Variants in ABLIM1 observed in about 807,000 individuals in gnomAD.
ABLIM1 encodes actin-binding LIM protein 1.
ABLIM1 carries 40 observed loss-of-function variants against 107.0 expected under a neutral mutation model. That is an observed-to-expected ratio of 0.37 (90% CI 0.29 to 0.49). ABLIM1 has a LOEUF of 0.49. Ranked by LOEUF, ABLIM1 falls within the 20% of genes least tolerant of loss-of-function variation. The pLI, the probability that ABLIM1 is intolerant of heterozygous loss-of-function variation, is 0.97. For missense variants in ABLIM1, 857 were observed against 1,008.5 expected, an observed-to-expected ratio of 0.85 and a Z score of 2.04; for synonymous variants, 357 against 357.3, an observed-to-expected ratio of 1.00 and a Z score of 0.01.
chr10:114,749,052 G>A (rs1290176000), intron 1 of ABLIM1, among the ~76,000 whole-genome samples: 3 of 152,138 alleles, frequency 2.0e-5, no homozygotes, highest in Non-Finnish European at 2.9e-5. Flanking sequence ...CAAATAACGT[G>A]CTAGAATTAA....
chr10:114,772,322 C>T (rs2083033744), upstream of ABLIM1, among the ~76,000 whole-genome samples: 1 of 152,046 alleles, frequency 6.6e-6, no homozygotes, highest in Admixed American at 6.5e-5. Flanking sequence ...TTAGTAAAAG[C>T]ATCCAACAGT....
upstream of ABLIM1, among the ~76,000 whole-genome samples, chr10:114,685,814 G>C (rs183195992): frequency 6.6e-6 from 1 of 152,252 alleles, no homozygotes; most frequent in African/African-American, 2.4e-5. Context: ...TGTGTTTTTT[G>C]TTAGTGTCTT....
chr10:114,698,332 G>A (rs944722996), intron 1 of ABLIM1, among the ~76,000 whole-genome samples: 4 of 150,046 alleles, frequency 2.7e-5, no homozygotes, highest in Non-Finnish European at 5.9e-5. Context: ...AAAAAGAAAT[G>A]CAACAGACAG....
chr10:114,657,851 G>A (rs1566190496), intron 1 of ABLIM1, 106 bp downstream of exon 1: 11 of 970,042 alleles, frequency 1.1e-5, no homozygotes, highest in Non-Finnish European at 1.7e-5. Context: ...TAAGGATAGT[G>A]TTTCCTTTGA....
At chr10:114,799,983 C>G in the ABLIM1 span, among the ~76,000 whole-genome samples, 1 of 152,182 alleles carries the variant, frequency 6.6e-6, no homozygotes, top group Non-Finnish European at 1.5e-5. Context: ...CCATTTTGCC[C>G]AGGCTGGTCT....
At chr10:114,550,723 T>C (rs1434220341) in intron 4 of ABLIM1, among the ~76,000 whole-genome samples, 2 of 152,142 alleles carry the variant, frequency 1.3e-5, no homozygotes, top group African/African-American at 4.8e-5. Flanking sequence ...CCCTCCCTCC[T>C]CCTAACTCCT....
intron 4 of ABLIM1, among the ~76,000 whole-genome samples, chr10:114,570,477 A>T (rs574180974): frequency 6.6e-6 from 1 of 151,882 alleles, no homozygotes; most frequent in Admixed American, 6.6e-5. Flanking sequence ...TCTGCCCCAT[A>T]TAAGTGCAGC....
At chr10:114,791,090 A>G in the ABLIM1 span, among the ~76,000 whole-genome samples, 1 of 152,120 alleles carries the variant, frequency 6.6e-6, no homozygotes, top group African/African-American at 2.4e-5. Flanking sequence ...TATTTATTTT[A>G]CAGATGGGGT....
intron 1 of ABLIM1, among the ~76,000 whole-genome samples, chr10:114,654,937 G>A (rs575224527): frequency 4.9e-4 from 75 of 152,294 alleles, no homozygotes; most frequent in African/African-American, 1.8e-3. Context: ...CCTCAGGCTG[G>A]TGTGGCATTT....
intron 15 of ABLIM1, 91 bp from the exon 16 acceptor site, chr10:114,445,494 G>GACCTT: frequency 8.9e-7 from 1 of 1,127,546 alleles, no homozygotes; most frequent in Non-Finnish European, 1.3e-6. Context: ...TTGTTAGGCT[G>GACCTT]GCAAGGTCAG....
At chr10:114,526,193 A>G (rs976441790) in intron 6 of ABLIM1, among the ~76,000 whole-genome samples, 2 of 152,178 alleles carry the variant, frequency 1.3e-5, no homozygotes, top group African/African-American at 4.8e-5. Context: ...AGTAATAGCT[A>G]AATCTACTCA....
intron 2 of ABLIM1, among the ~76,000 whole-genome samples, chr10:114,578,023 T>C (rs1368266587): frequency 6.6e-6 from 1 of 152,170 alleles, no homozygotes; most frequent in Non-Finnish European, 1.5e-5. Context: ...TGTCTACTCC[T>C]TCTCAGTCTC....
chr10:114,670,210 C>A (rs2080191816), intron 1 of ABLIM1, among the ~76,000 whole-genome samples: 1 of 152,120 alleles, frequency 6.6e-6, no homozygotes, highest in Non-Finnish European at 1.5e-5. Context: ...CATATCCTTC[C>A]CAAAATGCTG....
At chr10:114,682,561 C>T (rs1296440030) in intron 1 of ABLIM1, among the ~76,000 whole-genome samples, 1 of 152,066 alleles carries the variant, frequency 6.6e-6, no homozygotes, top group African/African-American at 2.4e-5. Context: ...GTAGCAAAAC[C>T]CCTTATGTTC....
At chr10:114,639,729 T>C (rs527974416) in intron 1 of ABLIM1, among the ~76,000 whole-genome samples, 1 of 152,368 alleles carries the variant, frequency 6.6e-6, no homozygotes, top group African/African-American at 2.4e-5. Flanking sequence ...TCCTGACATT[T>C]GTAATAATTT....
intron 1 of ABLIM1, among the ~76,000 whole-genome samples, chr10:114,627,239 T>C (rs1350859773): frequency 6.6e-6 from 1 of 152,026 alleles, no homozygotes. Context: ...AATCTACCAT[T>C]CTCTTTTCAT....
intron 8 of ABLIM1, among the ~76,000 whole-genome samples, chr10:114,478,019 G>A (rs2056756338): frequency 6.6e-6 from 1 of 152,020 alleles, no homozygotes; most frequent in Non-Finnish European, 1.5e-5. Context: ...ATAACGCCTG[G>A]CCTCTCCCTT....
chr10:114,633,930 G>A (rs1566147304), intron 1 of ABLIM1, among the ~76,000 whole-genome samples: 1 of 151,820 alleles, frequency 6.6e-6, no homozygotes, highest in Non-Finnish European at 1.5e-5. Context: ...TTAAGCACCT[G>A]TCTCCAAAGC....
At chr10:114,655,748 G>C (rs2079476707) in intron 1 of ABLIM1, among the ~76,000 whole-genome samples, 1 of 152,180 alleles carries the variant, frequency 6.6e-6, no homozygotes, top group Non-Finnish European at 1.5e-5. Flanking sequence ...AGAAGGCATG[G>C]CTTCTTCATC....
Sources: allele counts gnomAD v4.1 joint callset (sites outside exome capture counted in the v4.1 genomes callset), GRCh38; gene constraint gnomAD v4.1.1; transcripts MANE v1.5; gene names NCBI Gene and HGNC (gene_info 2026-07-23, HGNC 2026-07-21).